The following ARID1B variants were observed in gnomAD, a reference collection of about 807,000 sequenced individuals.
ARID1B encodes the protein AT-rich interactive domain-containing protein 1B.
ARID1B carries 30 observed loss-of-function variants against 212.3 expected under a neutral mutation model. The ratio of observed to expected loss-of-function variants is 0.14; its 90% CI spans 0.11 to 0.19. The LOEUF (loss-of-function observed/expected upper bound fraction) is 0.19. ARID1B is among the 10% of genes least tolerant of loss of function. ARID1B has a pLI of 1.00. For missense variants in ARID1B, 2,891 were observed against 3,204.0 expected (o/e 0.90, Z 2.36); for synonymous variants, 1,402 against 1,301.7 (o/e 1.08, Z -1.66).
chr6:156,887,656 G>A (rs945296268), intron 2 of ARID1B, among the ~76,000 whole-genome samples: 3 of 152,098 alleles, frequency 2.0e-5, no homozygotes, highest in Non-Finnish European at 4.4e-5. Context: ...AAAGGATATA[G>A]GAAGGCTGTG....
intron 4 of ARID1B, among the ~76,000 whole-genome samples, chr6:156,983,881 T>C (rs1370245555): frequency 6.6e-6 from 1 of 152,198 alleles, no homozygotes; most frequent in African/African-American, 2.4e-5. Flanking sequence ...AATTTGTTCC[T>C]TCTAGTTACC....
intron 4 of ARID1B, among the ~76,000 whole-genome samples, chr6:157,052,663 A>G (rs1158336834): frequency 6.6e-6 from 1 of 152,262 alleles, no homozygotes; most frequent in African/African-American, 2.4e-5. Flanking sequence ...AGAAATGGAC[A>G]AAGATTGGAC....
chr6:156,832,480 CTG>C (rs954009425), intron 2 of ARID1B, among the ~76,000 whole-genome samples: 1 of 152,160 alleles, frequency 6.6e-6, no homozygotes, highest in Non-Finnish European at 1.5e-5. Flanking sequence ...CCAGAACGTT[CTG>C]TGTTTGGTTT....
intron 8 of ARID1B, chr6:157,166,162 C>T (rs1429874011): frequency 2.0e-5 from 3 of 152,110 alleles, no homozygotes; most frequent in Admixed American, 2.0e-4. Context: ...TTAGGGCAAT[C>T]TCTACACCAC....
chr6:156,962,554 C>T (rs1009748043), intron 4 of ARID1B, among the ~76,000 whole-genome samples: 2 of 152,282 alleles, frequency 1.3e-5, no homozygotes, highest in Admixed American at 1.3e-4. Flanking sequence ...AATCACAGCA[C>T]AATCACAGCT....
chr6:156,860,777 A>G (rs1785272631), intron 2 of ARID1B, among the ~76,000 whole-genome samples: 1 of 152,232 alleles, frequency 6.6e-6, no homozygotes, highest in African/African-American at 2.4e-5. Flanking sequence ...AGCGTTTTAT[A>G]CTTTTCATAA....
chr6:156,916,037 T>C (rs539630065), intron 3 of ARID1B, among the ~76,000 whole-genome samples: 1 of 152,240 alleles, frequency 6.6e-6, no homozygotes, highest in East Asian at 1.9e-4. Context: ...AAGTTTTATT[T>C]TTAGTGAGGA....
intron 1 of ARID1B, among the ~76,000 whole-genome samples, chr6:156,816,590 C>A (rs567499832): frequency 6.6e-6 from 1 of 152,244 alleles, no homozygotes; most frequent in South Asian, 2.1e-4. Flanking sequence ...CTGTGGGGAA[C>A]GGTGGAGCCT....
At chr6:157,033,164 T>G (rs1781119411) in intron 4 of ARID1B, among the ~76,000 whole-genome samples, 1 of 152,216 alleles carries the variant, frequency 6.6e-6, no homozygotes, top group Non-Finnish European at 1.5e-5. Flanking sequence ...CAATTGTATT[T>G]TATTCCAGTA....
At position 156,778,590 on chromosome 6, in the gene ARID1B, G is replaced by A. The variant is rs1275010536; in HGVS notation, c.910G>A (p.Gly304Ser). Residue 304 changes from glycine (G) to serine (S), a missense_variant, in exon 1 of 20, where the codon GGC (glycine) becomes AGC (serine). By Grantham distance (56) the Gly-to-Ser change is moderately conservative (BLOSUM62 0). This residue lies in a region of ARID1B where 1,643 missense variants were observed against 1,544.0 expected (regional missense o/e 1.06). Transcript: ENST00000636930. The stretch of plus-strand genomic sequence containing the variant: ...GCCGCCGGTCGCCGTGCCCGGGGGC[G>A]GCGGCGGCCCGGCGGCCGTCCCGGA... ...QQPPVAVPGGGGGPAAVPEFN... is the reference protein window; with the variant it reads ...QQPPVAVPGGSGGPAAVPEFN... 3 of 1,280,318 alleles carry A rather than the reference G, an allele frequency of 2.3e-6. No homozygotes were observed. Among genetic ancestry groups the A allele is most frequent in the East Asian group, 3.2e-5 (1 of 31,254 alleles). 79.3% of individuals were successfully genotyped at this position (1,280,318 alleles called of 1,614,324 possible).
At position 156,778,906 on chromosome 6, in the gene ARID1B, GAGGAGGAGC is replaced by G. The variant is rs1464146602; in HGVS notation, c.1232_1240del (p.Gly411_Gly413del). On this transcript the variant is annotated inframe_deletion, in exon 1 of 20. Transcript: ENST00000636930. ...GGAGGCAGCGGAGGAGGAGGAGGAGGAGGAGGAGCAGGAGCAGGAGGAGCAGGAGCGGGA... is the reference window on the plus strand; with the variant it reads ...GGAGGCAGCGGAGGAGGAGGAGGAGGAGGAGCAGGAGGAGCAGGAGCGGGA... 1 of 1,367,116 alleles carries G rather than the reference GAGGAGGAGC, an allele frequency of 7.3e-7. No individual in the cohort carries two copies. The highest frequency in any genetic ancestry group is 9.4e-7 in the Non-Finnish European group (1 of 1,062,178). 84.7% of individuals were successfully genotyped at this position (1,367,116 alleles called of 1,614,324 possible).
chr6:156,795,115 A>ACTAGTCAGCAGCCATGAC (rs1554251554), intron 1 of ARID1B, among the ~76,000 whole-genome samples: 23 of 151,708 alleles, frequency 1.5e-4, no homozygotes, highest in Non-Finnish European at 1.0e-4. Flanking sequence ...GTGGCCGTGA[A>ACTAGTCAGCAGCCATGAC]CTAGTCAGCA....
rs375160616 is a variant in ARID1B, at chr6:156,778,665, G to A, written c.985G>A (p.Gly329Ser). The A allele has an allele frequency of 5.6e-3, 8,376 of 1,488,164 alleles. 32 individuals carry two copies. The highest frequency in any genetic ancestry group is 0.021 in the Middle Eastern group (109 of 5,136). The allele number at this position is 1,488,164 out of a possible 1,614,324, so 92.2% of individuals were successfully genotyped here. A position where few individuals can be genotyped will look rare whatever the true frequency, so the allele number is the denominator to read the frequency against. ...SAAPASGGPG[G>S]RAGPCFDQHG... is the part of the protein sequence containing the mutation. Reference sequence around the variant, plus strand: ...TGCCCCTGCGAGCGGCGGCCCCGGCGGCCGCGCTGGGCCTTGCTTTGATCA... The same window carrying A: ...TGCCCCTGCGAGCGGCGGCCCCGGCAGCCGCGCTGGGCCTTGCTTTGATCA... The change falls in exon 1 of 20, where the codon GGC becomes AGC. Residue 329 changes from glycine (G) to serine (S), a missense_variant. By Grantham distance (56) the Gly-to-Ser change is moderately conservative (BLOSUM62 0). This residue lies in a region of ARID1B where 1,643 missense variants were observed against 1,544.0 expected (regional missense o/e 1.06). Transcript: ENST00000636930.
At chr6:157,032,760 T>C (rs1335664554) in intron 4 of ARID1B, among the ~76,000 whole-genome samples, 1 of 152,210 alleles carries the variant, frequency 6.6e-6, no homozygotes, top group Non-Finnish European at 1.5e-5. Context: ...AGTTCTTAGA[T>C]TGATGTGTTT....
chr6:157,165,347 A>G (rs551984526), intron 8 of ARID1B, among the ~76,000 whole-genome samples: 1 of 152,326 alleles, frequency 6.6e-6, no homozygotes, highest in African/African-American at 2.4e-5. Context: ...CTCATACCTA[A>G]GAATCTTTCA....
intron 7 of ARID1B, 66 bp downstream of exon 7, chr6:157,133,273 C>T: frequency 2.1e-6 from 3 of 1,454,026 alleles, no homozygotes; most frequent in Non-Finnish European, 2.7e-6. Flanking sequence ...TGTGCTAGTC[C>T]TTCAAGATTT....
Position 157,207,640 on chromosome 6 carries a change from G to A in ARID1B, c.6868G>A (p.Val2290Ile), listed in dbSNP as rs1382438059. 2.5e-6 allele frequency: 4 copies of A among 1,614,136 alleles called. No homozygotes were observed. Among genetic ancestry groups the A allele is most frequent in the Non-Finnish European group, 3.4e-6 (4 of 1,180,018 alleles). The change falls in exon 20 of 20, where the codon GTC (valine) becomes ATC (isoleucine). Residue 2290 changes from valine (V) to isoleucine (I), a missense_variant. This residue lies in a region of ARID1B where 187 missense variants were observed against 306.5 expected (regional missense o/e 0.61). Transcript: ENST00000636930. This position sits in a 1 kb window ranked among gnomAD's most constrained non-coding sequence, Gnocchi z 8.5. ...GNLISFLEDG[V>I]TMAQYQQSQH... ...CTTGATAAGCTTCCTAGAGGATGGG[G>A]TCACGATGGCCCAGTACCAGCAGAG...
chr6:156,816,809 G>C (rs1781997233), intron 1 of ARID1B, among the ~76,000 whole-genome samples: 1 of 152,204 alleles, frequency 6.6e-6, no homozygotes, highest in African/African-American at 2.4e-5. Flanking sequence ...CTGTCACCTT[G>C]AGGCTAACCT....
In ARID1B at chr6:157,094,211, T is replaced by C. The variant is rs1785463436; in HGVS notation, c.2491+9306T>C. Among the ~76,000 whole-genome samples the C allele has an allele frequency of 6.6e-6, 1 of 152,102 alleles. No individual in the cohort carries two copies. The highest frequency in any genetic ancestry group is 1.5e-5 in the Non-Finnish European group (1 of 68,006). On this transcript the variant is annotated intron_variant, in intron 5 of 19. Transcript: ENST00000636930. The surrounding 1 kb of genome is among the most constrained non-coding windows in gnomAD (Gnocchi z 4.3). ...AAACTCAAAGGCCCTGAGTTAGTAT[T>C]GTGCTTAGTGTGTTGGGCGGCGAAC...
Sources: allele counts gnomAD v4.1 joint callset (sites outside exome capture counted in the v4.1 genomes callset), GRCh38; gene constraint gnomAD v4.1.1; regional missense constraint gnomAD v4.1.1; non-coding constraint Gnocchi (gnomAD v3.1); transcripts MANE v1.5; gene names NCBI Gene and HGNC (gene_info 2026-07-23, HGNC 2026-07-21).